KDM6A: variants seen among roughly 807,000 people sequenced by gnomAD.
KDM6A encodes the protein lysine demethylase 6A.
In KDM6A, 11 loss-of-function variants were observed where a neutral mutation model predicts 117.6. The observed-to-expected ratio is 0.09, with a 90% confidence interval of 0.06 to 0.15. The LOEUF (loss-of-function observed/expected upper bound fraction) is 0.15. Among genes scored for constraint, KDM6A ranks in the 10% least tolerant of loss-of-function variants. The pLI is 1.00. For missense variants in KDM6A, 799 were observed against 1,077.3 expected (o/e 0.74, Z 3.62); for synonymous variants, 384 against 396.1 (o/e 0.97, Z 0.36).
At chrX:44,886,209 C>G (rs2032857498) in intron 2 of KDM6A, among the ~76,000 whole-genome samples, 1 of 108,661 alleles carries the variant, frequency 9.2e-6, no homozygotes, top group Admixed American at 1.0e-4. Flanking sequence ...AGGAATGCGC[C>G]ACCCTGCCCG....
rs1224644403 is a variant in KDM6A, at chrX:45,053,304, C to T, written c.749-525C>T. On this transcript the variant is annotated intron_variant, in intron 9 of 29. Coordinates refer to ENST00000611820, the MANE Select transcript of KDM6A (RefSeq NM_001291415.2). ...AAAATTAGCTGGGTGTGGTGGTGCGCGCCTGTAGTCCCAGCTACTCAGGAG... is the reference window on the plus strand; with the variant it reads ...AAAATTAGCTGGGTGTGGTGGTGCGTGCCTGTAGTCCCAGCTACTCAGGAG... Among the ~76,000 whole-genome samples, 10 of 109,764 alleles carry T rather than the reference C, an allele frequency of 9.1e-5. No individual in the cohort carries two copies. In the South Asian group the frequency reaches 1.2e-3, roughly 13 times the overall value.
chrX:44,888,033 G>A (rs2146570306), intron 2 of KDM6A, among the ~76,000 whole-genome samples: 1 of 111,277 alleles, frequency 9.0e-6, no homozygotes, highest in South Asian at 3.7e-4. Context: ...CTGGCAGAGG[G>A]CAGTGGCTCA....
chrX:45,074,959 A>G (rs1037169220), intron 18 of KDM6A, among the ~76,000 whole-genome samples: 2 of 111,694 alleles, frequency 1.8e-5, no homozygotes, highest in African/African-American at 6.5e-5. Flanking sequence ...AATGTCCAGT[A>G]TGTTGTAGAA....
intron 2 of KDM6A, among the ~76,000 whole-genome samples, chrX:44,889,304 C>T (rs1237542435): frequency 3.6e-5 from 4 of 112,048 alleles, no homozygotes; most frequent in Admixed American, 9.5e-5. Context: ...TGTGAGCTAC[C>T]GCACCCTGCC....
chrX:44,991,879 A>G (rs1254109080), intron 4 of KDM6A, among the ~76,000 whole-genome samples: 4 of 109,412 alleles, frequency 3.7e-5, no homozygotes. Context: ...TTTAGTAGAG[A>G]CGGGGTTTCA....
Position 44,873,644 on chromosome X carries a change from C to A in KDM6A, c.93C>A (p.Ser31Arg). The change falls in exon 1 of 30, where the codon AGC becomes AGA. Residue 31 changes from serine (S) to arginine (R), a missense_variant. Coordinates refer to ENST00000611820, the MANE Select transcript of KDM6A (RefSeq NM_001291415.2). ...EEKKMAAGKA[S>R]GESEEASPSL... Reference sequence around the variant, plus strand: ...AGAAAATGGCGGCGGGAAAAGCGAGCGGCGAGAGCGAGGAGGCGTCCCCCA... The same window carrying A: ...AGAAAATGGCGGCGGGAAAAGCGAGAGGCGAGAGCGAGGAGGCGTCCCCCA... The A allele has an allele frequency of 8.4e-7, 1 of 1,192,928 alleles. No homozygotes were observed. The highest frequency in any genetic ancestry group is 1.1e-6 in the Non-Finnish European group (1 of 886,647).
rs2148152451 is a variant in KDM6A, at chrX:45,083,530, C to T, written c.3511C>T (p.Leu1171=). The T allele has an allele frequency of 8.3e-7, 1 of 1,209,401 alleles. No homozygotes were observed. Among genetic ancestry groups the T allele is most frequent in the African/African-American group, 1.7e-5 (1 of 57,761 alleles). Residue 1171 remains leucine, a synonymous_variant, in exon 24 of 30, where the codon CTA becomes TTA. Coordinates refer to ENST00000611820, the MANE Select transcript of KDM6A (RefSeq NM_001291415.2). ...FVRVVSAGNL[L]SHVGHTILGM... is the part of the protein sequence containing the mutation. ...GCGTGTCGTATCAGCAGGAAATCTT[C>T]TAAGCCATGTTGGTCATACCATATT...
intron 4 of KDM6A, among the ~76,000 whole-genome samples, chrX:44,998,904 T>C (rs1050415241): frequency 5.3e-5 from 6 of 112,156 alleles, no homozygotes; most frequent in Non-Finnish European, 9.4e-5. Flanking sequence ...TAGAACCTAA[T>C]TACTGTTGTT....
At chrX:45,107,570 A>G (rs2046577634) in intron 28 of KDM6A, 34 bp downstream of exon 28, 1 of 1,195,629 alleles carries the variant, frequency 8.4e-7, no homozygotes, top group African/African-American at 1.8e-5. Flanking sequence ...GTTGTTTTAT[A>G]AAGCCTCTTC....
At chrX:44,893,001 T>TAA (rs35013547) in intron 2 of KDM6A, among the ~76,000 whole-genome samples, 43 of 50,220 alleles carry the variant, frequency 8.6e-4, no homozygotes, top group South Asian at 7.1e-3. Context: ...AGACTCCATC[T>TAA]AAAAAAAAAA....
At position 45,054,639 on chromosome X, in the gene KDM6A, A is replaced by T. The variant is rs1036555261; in HGVS notation, c.875+684A>T. ...TGATAGATTATAGTTTTAGACTATCATCAGGTTGTATTTTGATTCCTAATC... is the reference window on the plus strand; with the variant it reads ...TGATAGATTATAGTTTTAGACTATCTTCAGGTTGTATTTTGATTCCTAATC... On this transcript the variant is annotated intron_variant, in intron 10 of 29. Transcript: ENST00000611820. Among the ~76,000 whole-genome samples, 6 of 111,973 alleles carry T rather than the reference A, an allele frequency of 5.4e-5. 1 individual carries two copies. In the South Asian group the frequency reaches 2.2e-3, roughly 42 times the overall value.
At chrX:44,911,400 G>A (rs192930683) in intron 2 of KDM6A, among the ~76,000 whole-genome samples, 3,976 of 109,825 alleles carry the variant, frequency 0.036, 207 homozygotes, top group African/African-American at 0.13. Flanking sequence ...GGTCGCGGCC[G>A]GGCAGAGGCG....
chrX:44,913,474 A>AT (rs1196236663), intron 2 of KDM6A, among the ~76,000 whole-genome samples: 19 of 105,837 alleles, frequency 1.8e-4, no homozygotes, highest in Admixed American at 3.1e-4. Flanking sequence ...AATTTTTTGT[A>AT]TTTTTTTTTG....
At chrX:45,003,744 A>C (rs2041274141) in intron 4 of KDM6A, among the ~76,000 whole-genome samples, 1 of 91,137 alleles carries the variant, frequency 1.1e-5, no homozygotes, top group East Asian at 3.4e-4. Context: ...TCTCTCTTTG[A>C]CTCCCTCTTT....
intron 3 of KDM6A, among the ~76,000 whole-genome samples, chrX:44,972,320 A>G (rs911675236): frequency 9.0e-6 from 1 of 110,944 alleles, no homozygotes; most frequent in Middle Eastern, 4.2e-3. Context: ...TGTTCTCTCC[A>G]GTTGCATCCT....
chrX:44,987,744 C>T (rs1465650509), intron 4 of KDM6A, among the ~76,000 whole-genome samples: 2 of 111,926 alleles, frequency 1.8e-5, no homozygotes, highest in Non-Finnish European at 3.8e-5. Context: ...CCTCCACTCT[C>T]TTCTGGCTTG....
intron 6 of KDM6A, among the ~76,000 whole-genome samples, chrX:45,034,447 T>A (rs1452207746): frequency 1.8e-5 from 2 of 111,878 alleles, no homozygotes; most frequent in African/African-American, 6.5e-5. Context: ...TATTGAAAGA[T>A]CAATAAAGAC....
At chrX:44,908,608 A>G (rs1309254127) in intron 2 of KDM6A, among the ~76,000 whole-genome samples, 1 of 111,472 alleles carries the variant, frequency 9.0e-6, no homozygotes, top group Non-Finnish European at 1.9e-5. Flanking sequence ...CCAAGTAGAA[A>G]GCTGCATGTC....
chrX:45,037,967 A>G (rs2042888597), intron 8 of KDM6A, among the ~76,000 whole-genome samples: 1 of 111,843 alleles, frequency 8.9e-6, no homozygotes, highest in African/African-American at 3.3e-5. Context: ...CACACCTGTA[A>G]TCCCACTGGT....
Sources: allele counts gnomAD v4.1 joint callset (sites outside exome capture counted in the v4.1 genomes callset), GRCh38; gene constraint gnomAD v4.1.1; transcripts MANE v1.5; gene names NCBI Gene and HGNC (gene_info 2026-07-23, HGNC 2026-07-21).